CMYA5: variants seen among roughly 807,000 people sequenced by gnomAD.
CMYA5 encodes cardiomyopathy-associated protein 5.
In CMYA5, 246 loss-of-function variants were observed where a neutral mutation model predicts 318.9. The ratio of observed to expected loss-of-function variants is 0.77; its 90% CI spans 0.70 to 0.86. The LOEUF is 0.86. CMYA5 is among the 40% of genes least tolerant of loss of function. The probability of loss-of-function intolerance (pLI) is 0.00; values close to 1 mark genes in which losing one functional copy is unlikely to be tolerated. For synonymous variants in CMYA5, 1,641 were observed against 1,729.5 expected (o/e 0.95, Z 1.27); for missense variants, 4,589 against 4,678.2 (o/e 0.98, Z 0.56).
At chr5:79,761,409 CT>C (rs1175056961) in intron 7 of CMYA5, among the ~76,000 whole-genome samples, 1 of 152,056 alleles carries the variant, frequency 6.6e-6, no homozygotes, top group Non-Finnish European at 1.5e-5. Context: ...TGAAGTTGTC[CT>C]TTTTTTATGA....
In CMYA5 at chr5:79,793,421, T is replaced by C. The variant is rs1380351568; in HGVS notation, c.11790-16T>C. Reference sequence around the variant, plus strand: ...GATTCCTGCACTGAGCATACTCTGATTGACTTCACCCACAGAATCCCGTCA... The same window carrying C: ...GATTCCTGCACTGAGCATACTCTGACTGACTTCACCCACAGAATCCCGTCA... On this transcript the variant is annotated splice_polypyrimidine_tract_variant and intron_variant, in intron 11 of 12. Transcript: ENST00000446378. 2 of 1,605,518 alleles carry C rather than the reference T, an allele frequency of 1.2e-6. No individual in the cohort carries two copies. Among genetic ancestry groups the C allele is most frequent in the Non-Finnish European group, 8.5e-7 (1 of 1,173,374 alleles).
chr5:79,766,451 T>C, intron 9 of CMYA5, among the ~76,000 whole-genome samples: 1 of 152,246 alleles, frequency 6.6e-6, no homozygotes. Flanking sequence ...TTGTCATAAA[T>C]AGCTCTTATT....
At chr5:79,713,931 G>A (rs1189388437) in intron 1 of CMYA5, among the ~76,000 whole-genome samples, 1 of 147,818 alleles carries the variant, frequency 6.8e-6, no homozygotes, top group Non-Finnish European at 1.5e-5. Flanking sequence ...ACAGGCACAT[G>A]TCTTAGTCAC....
At chr5:79,757,670 G>A (rs549207935) in intron 6 of CMYA5, among the ~76,000 whole-genome samples, 2 of 152,300 alleles carry the variant, frequency 1.3e-5, no homozygotes, top group African/African-American at 4.8e-5. Flanking sequence ...CCTCTATCGT[G>A]AATATAGAAT....
At position 79,735,242 on chromosome 5, in the gene CMYA5, A is replaced by G; in HGVS notation, c.6477A>G (p.Pro2159=). Residue 2159 remains proline, a synonymous_variant, in exon 2 of 13, where the codon CCA becomes CCG. Coordinates refer to ENST00000446378, the MANE Select transcript of CMYA5 (RefSeq NM_153610.5). ...TGACACAAAATCCACCTACACAACCAAAGGTGGCTAAGCCGGACCTTCCTG... is the reference window on the plus strand; with the variant it reads ...TGACACAAAATCCACCTACACAACCGAAGGTGGCTAAGCCGGACCTTCCTG... ...PEVTQNPPTQ[P]KVAKPDLPEE... is the part of the protein sequence containing the mutation. The G allele has an allele frequency of 6.2e-7, 1 of 1,613,822 alleles. No individual in the cohort carries two copies. The highest frequency in any genetic ancestry group is 8.5e-7 in the Non-Finnish European group (1 of 1,179,772).
Position 79,730,997 on chromosome 5 carries a change from A to C in CMYA5, c.2232A>C (p.Pro744=). The C allele has an allele frequency of 6.2e-7, 1 of 1,614,026 alleles. No homozygotes were observed. The highest frequency in any genetic ancestry group is 8.5e-7 in the Non-Finnish European group (1 of 1,179,898). Residue 744 remains proline, a synonymous_variant, in exon 2 of 13, where the codon CCA becomes CCC. Coordinates refer to ENST00000446378, the MANE Select transcript of CMYA5 (RefSeq NM_153610.5). Reference sequence around the variant, plus strand: ...AGGAAGACACTGGATCGTTTACTCCAGCTGTGGCCCCTGCTTCTGAGCCCT... The same window carrying C: ...AGGAAGACACTGGATCGTTTACTCCCGCTGTGGCCCCTGCTTCTGAGCCCT... The part of the protein sequence containing the change: ...EEKEDTGSFT[P]AVAPASEPSL...
At chr5:79,711,178 C>T (rs1197812339) in intron 1 of CMYA5, among the ~76,000 whole-genome samples, 3 of 152,112 alleles carry the variant, frequency 2.0e-5, no homozygotes, top group African/African-American at 7.2e-5. Context: ...TTCTATTTTA[C>T]TGTTGGTTAT....
At chr5:79,787,035 G>A (rs1183762146) in intron 9 of CMYA5, among the ~76,000 whole-genome samples, 1 of 152,204 alleles carries the variant, frequency 6.6e-6, no homozygotes, top group African/African-American at 2.4e-5. Flanking sequence ...GACAGAGCAT[G>A]CAGTTGACTA....
intron 4 of CMYA5, among the ~76,000 whole-genome samples, chr5:79,746,547 T>TAA (rs11423461): frequency 0.12 from 8,324 of 68,644 alleles, 790 homozygotes; most frequent in African/African-American, 0.26. Context: ...GAGCAAACTG[T>TAA]AAAAAAAAAA....
chr5:79,739,702 G>A (rs1329976766), intron 2 of CMYA5, among the ~76,000 whole-genome samples: 1 of 152,026 alleles, frequency 6.6e-6, no homozygotes, highest in African/African-American at 2.4e-5. Flanking sequence ...ATAAGAGGGG[G>A]CTGGGTGTGG....
intron 3 of CMYA5, among the ~76,000 whole-genome samples, chr5:79,744,667 C>T (rs1467441539): frequency 6.6e-6 from 1 of 152,190 alleles, no homozygotes. Context: ...CCCAGGTGTC[C>T]TTTTTAGGGA....
At chr5:79,710,018 T>TATC (rs1246196828) in intron 1 of CMYA5, among the ~76,000 whole-genome samples, 1 of 147,118 alleles carries the variant, frequency 6.8e-6, no homozygotes, top group East Asian at 2.0e-4. Flanking sequence ...TATCCAGAAT[T>TATC]ATCTAAAAAT....
At chr5:79,751,314 G>A (rs528680855) in intron 5 of CMYA5, among the ~76,000 whole-genome samples, 19 of 152,148 alleles carry the variant, frequency 1.2e-4, no homozygotes, top group Admixed American at 5.9e-4. Flanking sequence ...TCTGGCCCTC[G>A]AATGTGCTGT....
chr5:79,758,757 A>G lies in CMYA5; in HGVS notation c.11115A>G (p.Pro3705=). The change falls in exon 7 of 13, where the codon CCA becomes CCG. Residue 3705 remains proline (P), a synonymous_variant. Coordinates refer to ENST00000446378, the MANE Select transcript of CMYA5 (RefSeq NM_153610.5). ...TAAAACTTGTTTATATTCCAGTTCCACAGCCTCCTAGATTAGAACCTCAGG... is the reference window on the plus strand; with the variant it reads ...TAAAACTTGTTTATATTCCAGTTCCGCAGCCTCCTAGATTAGAACCTCAGG... ...SDQMLKQVAV[P]QPPRLEPQEP... is the part of the protein sequence containing the mutation. 1 of 1,595,234 alleles carries G rather than the reference A, an allele frequency of 6.3e-7. No homozygotes were observed. Among genetic ancestry groups the G allele is most frequent in the Non-Finnish European group, 8.5e-7 (1 of 1,172,086 alleles).
Position 79,755,326 on chromosome 5 carries a change from G to A in CMYA5, c.11110+2532G>A, listed in dbSNP as rs59464045. On this transcript the variant is annotated intron_variant, in intron 6 of 12. Coordinates refer to ENST00000446378, the MANE Select transcript of CMYA5 (RefSeq NM_153610.5). ...TCCCCACACAGAGTCTCACTCTGTC[G>A]CCCAGGCTGAAGTGCAGTGGCACCA... Among the ~76,000 whole-genome samples the A allele has an allele frequency of 4.4e-3, 666 of 150,700 alleles. 14 individuals carry two copies. The East Asian group carries it at 0.051, about 12-fold the overall frequency.
At chr5:79,775,476 C>G (rs2151097899) in intron 9 of CMYA5, among the ~76,000 whole-genome samples, 1 of 152,166 alleles carries the variant, frequency 6.6e-6, no homozygotes. Context: ...AGAACTGAAC[C>G]TCAATGGAAC....
In CMYA5 at chr5:79,704,799, T is replaced by C. The variant is rs1035980479; in HGVS notation, c.149+14743T>C. Among the ~76,000 whole-genome samples, 10 of 152,188 alleles carry C rather than the reference T, an allele frequency of 6.6e-5. 1 individual carries two copies. Among genetic ancestry groups the C allele is most frequent in the Admixed American group, 6.5e-4 (10 of 15,280 alleles). Reference sequence around the variant, plus strand: ...GAGATAGAGTAGCTCCCTTGACTCCTGATGGTTTTCCTGTTTCCCCTTCAC... The same window carrying C: ...GAGATAGAGTAGCTCCCTTGACTCCCGATGGTTTTCCTGTTTCCCCTTCAC... On this transcript the variant is annotated intron_variant, in intron 1 of 12. Transcript: ENST00000446378.
chr5:79,693,217 AG>A (rs1388604777), intron 1 of CMYA5, among the ~76,000 whole-genome samples: 1 of 152,212 alleles, frequency 6.6e-6, no homozygotes, highest in African/African-American at 2.4e-5. Context: ...CTTTTGTGAA[AG>A]GCAGATTATA....
In CMYA5 at chr5:79,736,869, G is replaced by T. The variant is rs1361811355; in HGVS notation, c.8104G>T (p.Ala2702Ser). The change falls in exon 2 of 13, where the codon GCA (alanine) becomes TCA (serine). Residue 2702 changes from alanine (A) to serine (S), a missense_variant. Physicochemically the swap from Ala to Ser is moderately conservative, Grantham distance 99 (BLOSUM62 1). Coordinates refer to ENST00000446378, the MANE Select transcript of CMYA5 (RefSeq NM_153610.5). ...TGTGAAACAAGGATTTCAAGAAAAGGCAGTAGGAACCCAACCACGTCCTTT... is the reference window on the plus strand; with the variant it reads ...TGTGAAACAAGGATTTCAAGAAAAGTCAGTAGGAACCCAACCACGTCCTTT... ...ETVKQGFQEK[A>S]VGTQPRPLEE... The T allele has an allele frequency of 4.3e-6, 7 of 1,612,708 alleles. No individual in the cohort carries two copies. The highest frequency in any genetic ancestry group is 5.9e-6 in the Non-Finnish European group (7 of 1,179,696).
Sources: allele counts gnomAD v4.1 joint callset (sites outside exome capture counted in the v4.1 genomes callset), GRCh38; gene constraint gnomAD v4.1.1; transcripts MANE v1.5; gene names NCBI Gene and HGNC (gene_info 2026-07-23, HGNC 2026-07-21).